DAB1: variants seen among roughly 807,000 people sequenced by gnomAD.
DAB1 encodes the protein disabled homolog 1.
In DAB1, 15 loss-of-function variants were observed where a neutral mutation model predicts 64.6. That is an observed-to-expected ratio of 0.23 (90% CI 0.16 to 0.36). The LOEUF (loss-of-function observed/expected upper bound fraction) is 0.36. DAB1 is among the 10% of genes least tolerant of loss of function. The pLI is 1.00. For synonymous variants in DAB1, 235 were observed against 251.9 expected, an observed-to-expected ratio of 0.93 and a Z score of 0.64; for missense variants, 596 against 706.7, an observed-to-expected ratio of 0.84 and a Z score of 1.78.
At chr1:57,804,341 T>C (rs1158191032) in intron 6 of DAB1, among the ~76,000 whole-genome samples, 1 of 152,114 alleles carries the variant, frequency 6.6e-6, no homozygotes, top group Non-Finnish European at 1.5e-5. Flanking sequence ...CACCAATCAC[T>C]TCTGGGAACC....
chr1:57,566,176 C>T (rs1016915669), intron 7 of DAB1, among the ~76,000 whole-genome samples: 20 of 152,232 alleles, frequency 1.3e-4, no homozygotes, highest in African/African-American at 4.8e-4. Context: ...TGAATGACTA[C>T]TGGGTACATA....
intron 2 of DAB1, among the ~76,000 whole-genome samples, chr1:57,275,342 C>T (rs973176761): frequency 2.6e-5 from 4 of 152,136 alleles, no homozygotes; most frequent in African/African-American, 9.7e-5. Flanking sequence ...AATGACATCT[C>T]CAGTCTCCCA....
intron 5 of DAB1, among the ~76,000 whole-genome samples, chr1:58,055,349 C>T (rs1352709654): frequency 1.3e-5 from 2 of 152,148 alleles, no homozygotes; most frequent in Non-Finnish European, 2.9e-5. Flanking sequence ...CTCTCATCCC[C>T]CAGGTATCAG....
At chr1:57,014,857 TTA>T in intron 12 of DAB1, 24 bp downstream of exon 12, 1 of 1,519,156 alleles carries the variant, frequency 6.6e-7, no homozygotes, top group East Asian at 2.3e-5. Context: ...TCATTGGGTT[TTA>T]TGTCTTAAGT....
intron 6 of DAB1, among the ~76,000 whole-genome samples, chr1:57,724,373 C>A (rs904460774): frequency 2.7e-5 from 4 of 150,806 alleles, no homozygotes; most frequent in African/African-American, 9.8e-5. Flanking sequence ...GGGAGGGAGG[C>A]AAGAAGAAAG....
intron 4 of DAB1, among the ~76,000 whole-genome samples, chr1:58,161,956 C>A (rs1052141943): frequency 2.6e-5 from 4 of 151,938 alleles, no homozygotes; most frequent in Non-Finnish European, 5.9e-5. Flanking sequence ...TTGAGGGGTA[C>A]AAAAGCAACA....
At chr1:58,465,065 G>C (rs1645281021) in intron 3 of DAB1, among the ~76,000 whole-genome samples, 1 of 152,204 alleles carries the variant, frequency 6.6e-6, no homozygotes, top group African/African-American at 2.4e-5. Context: ...CACATTCTCA[G>C]CCTGGGTTAT....
intron 4 of DAB1, among the ~76,000 whole-genome samples, chr1:58,312,531 C>T (rs1012479616): frequency 6.6e-6 from 1 of 152,144 alleles, no homozygotes; most frequent in Non-Finnish European, 1.5e-5. Context: ...TGATGTTTAT[C>T]CTTTTGATGC....
chr1:57,880,066 G>C (rs1644119038), intron 1 of DAB1: 1 of 152,236 alleles, frequency 6.6e-6, no homozygotes, highest in African/African-American at 2.4e-5. Context: ...AGAGAAAGTT[G>C]TTCCTCCTTC....
chr1:58,489,247 T>C (rs1025993258), intron 3 of DAB1, among the ~76,000 whole-genome samples: 1 of 152,176 alleles, frequency 6.6e-6, no homozygotes. Context: ...CCCACCCTAA[T>C]ACTGCAATTT....
chr1:57,315,604 G>A (rs1032356943), intron 1 of DAB1, among the ~76,000 whole-genome samples: 13 of 152,252 alleles, frequency 8.5e-5, no homozygotes, highest in South Asian at 6.2e-4. Context: ...CCAGGTTCAT[G>A]CCATTCTCCT....
At chr1:58,289,566 C>T (rs182321972) in intron 4 of DAB1, among the ~76,000 whole-genome samples, 4 of 152,272 alleles carry the variant, frequency 2.6e-5, no homozygotes, top group Non-Finnish European at 4.4e-5. Flanking sequence ...CTTAGCCCCA[C>T]TGAACTATAA....
At chr1:57,186,947 T>C (rs1467352585) in intron 2 of DAB1, among the ~76,000 whole-genome samples, 1 of 152,226 alleles carries the variant, frequency 6.6e-6, no homozygotes, top group Non-Finnish European at 1.5e-5. Flanking sequence ...TTCTATTTTG[T>C]CAATTTTTGT....
intron 1 of DAB1, among the ~76,000 whole-genome samples, chr1:57,378,025 C>T (rs1216875089): frequency 6.6e-6 from 1 of 152,152 alleles, no homozygotes; most frequent in African/African-American, 2.4e-5. Context: ...TTCACTCATG[C>T]CCTACCAGAG....
chr1:57,696,308 G>T (rs1646844680), intron 6 of DAB1, among the ~76,000 whole-genome samples: 1 of 152,088 alleles, frequency 6.6e-6, no homozygotes, highest in Non-Finnish European at 1.5e-5. Context: ...TTTTGTCAAG[G>T]ACTGCCCTCT....
chr1:58,016,885 A>C (rs1570231517), intron 5 of DAB1, among the ~76,000 whole-genome samples: 1 of 152,288 alleles, frequency 6.6e-6, no homozygotes, highest in African/African-American at 2.4e-5. Context: ...CACTATTAAA[A>C]CCATTATTAA....
rs532598919 is a variant in DAB1 at position 57,162,379 on chromosome 1, G to A, written c.68-16950C>T. 2.0e-5 allele frequency among the ~76,000 whole-genome samples: 3 copies of A among 152,350 alleles called. No individual in the cohort carries two copies. The South Asian group carries it at 6.2e-4, about 32-fold the overall frequency. On this transcript the variant is annotated intron_variant, in intron 2 of 14. Coordinates refer to ENST00000371236, the MANE Select transcript of DAB1 (RefSeq NM_001365792.1). ...CTGAGGGACCAATTGCAAAGAAGGA[G>A]GAAGCAGGAGAATTGGATTTACTCA...
At chr1:58,089,097 C>G (rs1211219647) in intron 5 of DAB1, among the ~76,000 whole-genome samples, 1 of 152,224 alleles carries the variant, frequency 6.6e-6, no homozygotes, top group Non-Finnish European at 1.5e-5. Context: ...TTGAACATAA[C>G]TCATGGATTT....
intron 3 of DAB1, among the ~76,000 whole-genome samples, chr1:58,463,445 G>C (rs747205176): frequency 1.3e-4 from 20 of 152,206 alleles, no homozygotes; most frequent in Admixed American, 3.3e-4. Flanking sequence ...TTTGTGTGTG[G>C]CACCCTGGGG....
Sources: allele counts gnomAD v4.1 joint callset (sites outside exome capture counted in the v4.1 genomes callset), GRCh38; gene constraint gnomAD v4.1.1; transcripts MANE v1.5; gene names NCBI Gene and HGNC (gene_info 2026-07-23, HGNC 2026-07-21).